The following DPF3 variants were observed in gnomAD, a reference collection of about 807,000 sequenced individuals.
DPF3 encodes the protein double PHD fingers 3, also known as zinc finger protein DPF3.
A neutral mutation model predicts 56.8 loss-of-function variants in DPF3; 18 were observed. The observed-to-expected ratio is 0.32, with a 90% CI of 0.22 to 0.47. The LOEUF (loss-of-function observed/expected upper bound fraction) is 0.47, where lower values mean the gene tolerates loss of function less well. DPF3 is among the 20% of genes least tolerant of loss of function. The pLI is 1.00. For synonymous variants in DPF3, 188 were observed against 180.2 expected (o/e 1.04, Z -0.35); for missense variants, 403 against 488.8 (o/e 0.82, Z 1.65).
intron 8 of DPF3, among the ~76,000 whole-genome samples, chr14:72,665,412 G>A (rs1416727317): frequency 1.3e-5 from 2 of 152,218 alleles, no homozygotes; most frequent in East Asian, 3.8e-4. Flanking sequence ...AAACAGAATA[G>A]CCTGAAATCT....
chr14:72,763,803 C>G (rs1891154333), intron 2 of DPF3, among the ~76,000 whole-genome samples: 1 of 151,926 alleles, frequency 6.6e-6, no homozygotes. Context: ...ATACAAACCA[C>G]AGATTGTAAA....
chr14:72,741,860 G>A lies in DPF3; in HGVS notation c.302-9926C>T, dbSNP rs117204208. The stretch of plus-strand genomic sequence containing the variant: ...CAACTCATGCTCTACACGTGGCTCT[G>A]CCAGGTCCCACTGCAAAACATGACC... On this transcript the variant is annotated intron_variant, in intron 3 of 10. Transcript: ENST00000556509. Among the ~76,000 whole-genome samples, 15 of 152,314 alleles carry A rather than the reference G, an allele frequency of 9.8e-5. No individual in the cohort carries two copies. In the East Asian group the frequency reaches 2.7e-3, roughly 27 times the overall value.
At chr14:72,777,021 C>T (rs753944155) in intron 1 of DPF3, among the ~76,000 whole-genome samples, 2 of 152,188 alleles carry the variant, frequency 1.3e-5, no homozygotes, top group Non-Finnish European at 2.9e-5. Context: ...CCCCAAGTCC[C>T]CTTTGCTGTG....
At chr14:72,678,184 C>T (rs925712884) in intron 7 of DPF3, among the ~76,000 whole-genome samples, 1 of 152,166 alleles carries the variant, frequency 6.6e-6, no homozygotes, top group African/African-American at 2.4e-5. Flanking sequence ...AGGTTTCACC[C>T]CCAGTTTGTC....
At chr14:72,881,473 T>C (rs927584037) in intron 1 of DPF3, among the ~76,000 whole-genome samples, 8 of 152,012 alleles carry the variant, frequency 5.3e-5, no homozygotes, top group Non-Finnish European at 7.4e-5. Flanking sequence ...GTGTCGATAG[T>C]GGGAAGCCTG....
In DPF3 at chr14:72,756,865, A is replaced by AAGGAAGG. The variant is rs1555503984; in HGVS notation, c.194-3495_194-3494insCCTTCCT. ...GAAAGAAAGAAAGAAAGAAAGAAAG[A>AAGGAAGG]AAGAAAGGAAGGAAAGAAGGAAAGA... On this transcript the variant is annotated intron_variant, in intron 2 of 10. Coordinates refer to ENST00000556509, the MANE Select transcript of DPF3 (RefSeq NM_001280542.3). 2.7e-3 allele frequency among the ~76,000 whole-genome samples: 281 copies of AAGGAAGG among 105,178 alleles called. 6 individuals carry two copies. Among genetic ancestry groups the AAGGAAGG allele is most frequent in the African/African-American group, 0.011 (267 of 24,884 alleles). The allele number at this position is 105,178 out of a possible 152,430, so 69.0% of individuals were successfully genotyped here. A position where few individuals can be genotyped will look rare whatever the true frequency, so the allele number is the denominator to read the frequency against.
chr14:72,662,255 A>T (rs889127836), intron 8 of DPF3: 6 of 985,276 alleles, frequency 6.1e-6, no homozygotes, highest in Non-Finnish European at 6.0e-6. Context: ...GAGAGAGCAG[A>T]GTTGATCTTT....
intron 7 of DPF3, among the ~76,000 whole-genome samples, chr14:72,686,017 G>A (rs1451687348): frequency 5.9e-5 from 9 of 152,296 alleles, no homozygotes; most frequent in East Asian, 5.8e-4. Flanking sequence ...CTGAGACCAC[G>A]TTATCCCTTT....
Position 72,612,375 on chromosome 14 carries a change from G to A in DPF3, c.*6922C>T. The A allele has an allele frequency of 1.0e-5, 5 of 481,562 alleles. No individual in the cohort carries two copies. The highest frequency in any genetic ancestry group is 6.3e-5 in the South Asian group (4 of 63,656). 29.8% of individuals were successfully genotyped at this position (481,562 alleles called of 1,614,324 possible). Reference sequence around the variant, plus strand: ...CTGCTCCCCACCTCCTCTGCTCTGAGATAATCATTCTATATTTTCATGCTC... The same window carrying A: ...CTGCTCCCCACCTCCTCTGCTCTGAAATAATCATTCTATATTTTCATGCTC... On this transcript the variant is annotated 3_prime_UTR_variant, in exon 11 of 11. Coordinates refer to ENST00000556509, the MANE Select transcript of DPF3 (RefSeq NM_001280542.3).
chr14:72,857,829 C>T (rs1215293299), intron 1 of DPF3, among the ~76,000 whole-genome samples: 2 of 152,060 alleles, frequency 1.3e-5, no homozygotes, highest in African/African-American at 4.8e-5. Flanking sequence ...CCCTGTGATC[C>T]GCCCACCTCA....
At position 72,811,068 on chromosome 14, in the gene DPF3, T is replaced by C. The variant is rs147355672; in HGVS notation, c.33-39175A>G. Among the ~76,000 whole-genome samples the C allele has an allele frequency of 8.7e-3, 1,331 of 152,254 alleles. 24 individuals are homozygous for C. Among genetic ancestry groups the C allele is most frequent in the African/African-American group, 0.03 (1,228 of 41,536 alleles). On this transcript the variant is annotated intron_variant, in intron 1 of 10. Coordinates refer to ENST00000556509, the MANE Select transcript of DPF3 (RefSeq NM_001280542.3). ...TGAAAAGGAGAGCAGGCGTGTCACA[T>C]GGTGAGAGCAAGACCAAGGCAGCAA...
At chr14:72,699,331 G>C (rs1386205100) in intron 6 of DPF3, among the ~76,000 whole-genome samples, 1 of 151,882 alleles carries the variant, frequency 6.6e-6, no homozygotes, top group Non-Finnish European at 1.5e-5. Context: ...ACCCATCTGG[G>C]CAACATAGCA....
chr14:72,746,173 T>C lies in DPF3; in HGVS notation c.301+7091A>G, dbSNP rs114417023. Among the ~76,000 whole-genome samples, 325 of 152,382 alleles carry C rather than the reference T, an allele frequency of 2.1e-3. 1 individual carries two copies. The highest frequency in any genetic ancestry group is 7.5e-3 in the African/African-American group (314 of 41,606). On this transcript the variant is annotated intron_variant, in intron 3 of 10. Coordinates refer to ENST00000556509, the MANE Select transcript of DPF3 (RefSeq NM_001280542.3). ...GTCAAGGCCCTGGATGAAGTCACTC[T>C]TCTGAAATTTTGGCCTGTGCAAAAA...
At chr14:72,847,922 T>C (rs1884825273) in intron 1 of DPF3, among the ~76,000 whole-genome samples, 1 of 152,228 alleles carries the variant, frequency 6.6e-6, no homozygotes, top group Admixed American at 6.5e-5. Context: ...GGTGTGGCCA[T>C]GGGCCTAAGC....
At chr14:72,645,465 T>C (rs2803969) in intron 8 of DPF3, among the ~76,000 whole-genome samples, 44,733 of 151,748 alleles carry the variant, frequency 0.29, 7,458 homozygotes, top group African/African-American at 0.46. Flanking sequence ...GGACTACAGG[T>C]ATGTGCCACC....
rs114562496 is a variant in DPF3 at position 72,683,882 on chromosome 14, C to T, written c.742+9194G>A. Among the ~76,000 whole-genome samples the T allele has an allele frequency of 9.3e-3, 1,411 of 152,228 alleles. 26 individuals carry two copies. Among genetic ancestry groups the T allele is most frequent in the African/African-American group, 0.033 (1,359 of 41,512 alleles). On this transcript the variant is annotated intron_variant, in intron 7 of 10. Transcript: ENST00000556509. ...GTTCTAGGGCGTGGGGCTTTCAGTG[C>T]TGTAGCTGGGCAAACCTGGACAAGC...
chr14:72,692,112 C>T (rs1887715814), intron 7 of DPF3, among the ~76,000 whole-genome samples: 1 of 152,188 alleles, frequency 6.6e-6, no homozygotes. Context: ...TTGACTAAGT[C>T]GTTGGCTAAC....
intron 6 of DPF3, among the ~76,000 whole-genome samples, chr14:72,714,001 G>A (rs1001992165): frequency 6.6e-6 from 1 of 152,246 alleles, no homozygotes; most frequent in South Asian, 2.1e-4. Flanking sequence ...AAATTAAAGG[G>A]AAACAAATGA....
chr14:72,763,820 T>A (rs1365722464), intron 2 of DPF3, among the ~76,000 whole-genome samples: 1 of 151,960 alleles, frequency 6.6e-6, no homozygotes, highest in Non-Finnish European at 1.5e-5. Context: ...TAAAAAAAAA[T>A]TTGCAAAGCA....
Sources: allele counts gnomAD v4.1 joint callset (sites outside exome capture counted in the v4.1 genomes callset), GRCh38; gene constraint gnomAD v4.1.1; transcripts MANE v1.5; gene names NCBI Gene and HGNC (gene_info 2026-07-23, HGNC 2026-07-21).